Variants in DCPS observed in about 807,000 individuals in gnomAD.
DCPS encodes the protein m7GpppX diphosphatase.
In DCPS, 27 loss-of-function variants were observed where a neutral mutation model predicts 34.7. The ratio of observed to expected loss-of-function variants is 0.78; its 90% confidence interval spans 0.57 to 1.07. DCPS has a LOEUF of 1.07. Ranked by LOEUF, DCPS falls within the 50% of genes least tolerant of loss-of-function variation. The pLI is 0.00. For synonymous variants in DCPS, 185 were observed against 185.7 expected (o/e 1.00, Z 0.03); for missense variants, 464 against 436.9 (o/e 1.06, Z -0.55).
chr11:126,327,856 C>G lies in DCPS; in HGVS notation c.377-3549C>G, dbSNP rs984078518. Among the ~76,000 whole-genome samples the G allele has an allele frequency of 6.6e-6, 1 of 152,174 alleles. No homozygotes were observed. Among genetic ancestry groups the G allele is most frequent in the African/African-American group, 2.4e-5 (1 of 41,442 alleles). On this transcript the variant is annotated intron_variant, in intron 2 of 5. Coordinates refer to ENST00000263579, the MANE Select transcript of DCPS (RefSeq NM_014026.6). The surrounding 1 kb of genome is among the most constrained non-coding windows in gnomAD (Gnocchi z 4.1). ...GTGCTGGGGACAAATTGTTTTCTTC[C>G]GGAAGCTGCATAGTAGTTGGGGAGT...
intron 2 of DCPS, among the ~76,000 whole-genome samples, chr11:126,310,973 G>A (rs538507677): frequency 5.3e-5 from 8 of 152,206 alleles, no homozygotes; most frequent in African/African-American, 1.7e-4. Flanking sequence ...GAAATCATGG[G>A]CTCAGCTGAT....
chr11:126,341,285 T>G (rs941286849), intron 4 of DCPS: 2 of 152,266 alleles, frequency 1.3e-5, no homozygotes, highest in African/African-American at 2.4e-5. Context: ...AGACTGACGA[T>G]GTCTATCTGT....
rs1212797234 is a variant in DCPS, at chr11:126,348,376, C to G, written c.*2763C>G. ...AAGGGGGCCCCTCTCCAGGCCTCAC[C>G]ACTTAACTTTTCTTGTACATGGAAA... On this transcript the variant is annotated 3_prime_UTR_variant, in exon 6 of 6. Transcript: ENST00000263579. This position sits in a 1 kb window ranked among gnomAD's most constrained non-coding sequence, Gnocchi z 5.3. 6.6e-6 allele frequency among the ~76,000 whole-genome samples: 1 copy of G among 152,200 alleles called. No homozygotes were observed. The highest frequency in any genetic ancestry group is 1.9e-4 in the East Asian group (1 of 5,182).
chr11:126,306,491 C>G (rs369181848), intron 1 of DCPS, 79 bp from the exon 2 acceptor site: 1 of 1,410,712 alleles, frequency 7.1e-7, no homozygotes. Flanking sequence ...ATTCAAAGGC[C>G]CTGGGAGCTT....
In DCPS at chr11:126,347,073, C is replaced by A. The variant is rs1951938366; in HGVS notation, c.*1460C>A. Among the ~76,000 whole-genome samples, 1 of 150,056 alleles carries A rather than the reference C, an allele frequency of 6.7e-6. No homozygotes were observed. The highest frequency in any genetic ancestry group is 1.5e-5 in the Non-Finnish European group (1 of 67,576). ...TGGCCTGGGTGACAGAGCAAGACTC[C>A]CTCTCAGAAAAAAAAATTAAAAAAA... On this transcript the variant is annotated 3_prime_UTR_variant, in exon 6 of 6. Transcript: ENST00000263579. This position sits in a 1 kb window ranked among gnomAD's most constrained non-coding sequence, Gnocchi z 4.2.
Position 126,338,113 on chromosome 11 carries a change from G to C in DCPS, c.523-173G>C. On this transcript the variant is annotated intron_variant, in intron 3 of 5. Coordinates refer to ENST00000263579, the MANE Select transcript of DCPS (RefSeq NM_014026.6). The surrounding 1 kb of genome is among the most constrained non-coding windows in gnomAD (Gnocchi z 5.4). ...GGGGAAGTCCCTTCTGGACCCCTAAGAACAGATGCTTGGGGACAGGGCAGC... is the reference window on the plus strand; with the variant it reads ...GGGGAAGTCCCTTCTGGACCCCTAACAACAGATGCTTGGGGACAGGGCAGC... The C allele has an allele frequency of 1.6e-6, 1 of 628,410 alleles. No homozygotes were observed. The allele number at this position is 628,410 out of a possible 1,614,324, so 38.9% of individuals were successfully genotyped here. A position where few individuals can be genotyped will look rare whatever the true frequency, so the allele number is the denominator to read the frequency against.
chr11:126,345,338 T>A lies in DCPS; in HGVS notation c.748-9T>A. 1.2e-6 allele frequency: 2 copies of A among 1,613,460 alleles called. No individual in the cohort carries two copies. The highest frequency in any genetic ancestry group is 1.7e-6 in the Non-Finnish European group (2 of 1,179,890). On this transcript the variant is annotated splice_polypyrimidine_tract_variant and intron_variant, in intron 5 of 5. Coordinates refer to ENST00000263579, the MANE Select transcript of DCPS (RefSeq NM_014026.6). The surrounding 1 kb of genome is among the most constrained non-coding windows in gnomAD (Gnocchi z 7.4). ...GTGACTCCTGACCTGCCTGCCCCTG[T>A]CTCATCAGGAGGCCATCCTGCAGCG...
chr11:126,313,133 A>G lies in DCPS; in HGVS notation c.376+6389A>G, dbSNP rs151256940. 8.9e-3 allele frequency among the ~76,000 whole-genome samples: 1,274 copies of G among 143,240 alleles called. 11 individuals are homozygous for G. Among genetic ancestry groups the G allele is most frequent in the Middle Eastern group, 0.014 (4 of 282 alleles). 94.0% of individuals were successfully genotyped at this position (143,240 alleles called of 152,430 possible). ...ATCCAGGCTGCCTCTTCAAAGGCCA[A>G]TTGTTTCCCCGTGTAAACCAGGAGG... On this transcript the variant is annotated intron_variant, in intron 2 of 5. Coordinates refer to ENST00000263579, the MANE Select transcript of DCPS (RefSeq NM_014026.6). This position sits in a 1 kb window ranked among gnomAD's most constrained non-coding sequence, Gnocchi z 4.9.
At chr11:126,311,282 C>T (rs150730382) in intron 2 of DCPS, among the ~76,000 whole-genome samples, 63 of 152,376 alleles carry the variant, frequency 4.1e-4, no homozygotes, top group African/African-American at 1.4e-3. Context: ...AGCCTCACGT[C>T]AGGCAGACCT....
At chr11:126,326,845 C>T (rs1314852213) in intron 2 of DCPS, among the ~76,000 whole-genome samples, 2 of 152,082 alleles carry the variant, frequency 1.3e-5, no homozygotes, top group African/African-American at 4.8e-5. Flanking sequence ...ATGGCGTGAG[C>T]CCGGGAGGCG....
chr11:126,343,295 C>T lies in DCPS; in HGVS notation c.637-12C>T. On this transcript the variant is annotated splice_polypyrimidine_tract_variant and intron_variant, in intron 4 of 5. Transcript: ENST00000263579. The stretch of plus-strand genomic sequence containing the variant: ...CCCTGCTGAGCCTGGTCTCCCCTTG[C>T]TCTCTACGCAGCTCGATGACTTGTA... 1.9e-6 allele frequency: 3 copies of T among 1,609,430 alleles called. No homozygotes were observed. Among genetic ancestry groups the T allele is most frequent in the Non-Finnish European group, 2.5e-6 (3 of 1,177,510 alleles).
chr11:126,306,863 T>G, intron 2 of DCPS, 119 bp downstream of exon 2: 1 of 1,191,852 alleles, frequency 8.4e-7, no homozygotes, highest in Non-Finnish European at 1.1e-6. Context: ...ATAGGGAGAT[T>G]ACTTCCCTAG....
intron 2 of DCPS, among the ~76,000 whole-genome samples, chr11:126,310,224 C>T (rs1459086238): frequency 6.6e-6 from 1 of 152,168 alleles, no homozygotes; most frequent in African/African-American, 2.4e-5. Flanking sequence ...ATGCCGGCGA[C>T]GCCCACCTTT....
chr11:126,349,721 C>G lies in DCPS; in HGVS notation c.*4108C>G, dbSNP rs1951974138. ...GCCAACTCTTCCTTCTCAGGAAGGA[C>G]TGTTTTTATTCCAAACATGTATATA... On this transcript the variant is annotated 3_prime_UTR_variant, in exon 6 of 6. Coordinates refer to ENST00000263579, the MANE Select transcript of DCPS (RefSeq NM_014026.6). The surrounding 1 kb of genome is among the most constrained non-coding windows in gnomAD (Gnocchi z 5.4). Among the ~76,000 whole-genome samples the G allele has an allele frequency of 1.3e-5, 2 of 152,184 alleles. No individual in the cohort carries two copies. The highest frequency in any genetic ancestry group is 4.8e-5 in the African/African-American group (2 of 41,442).
Position 126,331,383 on chromosome 11 carries a change from G to A in DCPS, c.377-22G>A, listed in dbSNP as rs1292613302. 3.7e-6 allele frequency: 6 copies of A among 1,613,094 alleles called. No individual in the cohort carries two copies. Among genetic ancestry groups the A allele is most frequent in the Admixed American group, 3.3e-5 (2 of 59,942 alleles). On this transcript the variant is annotated intron_variant, in intron 2 of 5. Transcript: ENST00000263579. This position sits in a 1 kb window ranked among gnomAD's most constrained non-coding sequence, Gnocchi z 7.2. Reference sequence around the variant, plus strand: ...AGAGTGGGCATTGCTTCCCTGTCACGGGCTGTGCTGTATCATTGCAGATGT... The same window carrying A: ...AGAGTGGGCATTGCTTCCCTGTCACAGGCTGTGCTGTATCATTGCAGATGT...
rs1476377594 is a variant in DCPS, at chr11:126,332,987, G to C, written c.522+1437G>C. Among the ~76,000 whole-genome samples, 2 of 152,136 alleles carry C rather than the reference G, an allele frequency of 1.3e-5. No homozygotes were observed. Among genetic ancestry groups the C allele is most frequent in the African/African-American group, 4.8e-5 (2 of 41,422 alleles). On this transcript the variant is annotated intron_variant, in intron 3 of 5. Coordinates refer to ENST00000263579, the MANE Select transcript of DCPS (RefSeq NM_014026.6). This position sits in a 1 kb window ranked among gnomAD's most constrained non-coding sequence, Gnocchi z 5.4. ...GGTGTGAGTAGCTGGGATTACAGGT[G>C]CTTGCCACCATGCCTGGCTACTTTT...
In DCPS at chr11:126,320,667, G is replaced by T. The variant is rs1367067031; in HGVS notation, c.377-10738G>T. Among the ~76,000 whole-genome samples, 2 of 152,148 alleles carry T rather than the reference G, an allele frequency of 1.3e-5. No individual in the cohort carries two copies. Among genetic ancestry groups the T allele is most frequent in the Non-Finnish European group, 1.5e-5 (1 of 68,022 alleles). On this transcript the variant is annotated intron_variant, in intron 2 of 5. Transcript: ENST00000263579. The surrounding 1 kb of genome is among the most constrained non-coding windows in gnomAD (Gnocchi z 4.7). Reference sequence around the variant, plus strand: ...AAAATACAAAAATTAGCCAGGTGTAGTGGTGTGTGCCTATAGTTCCAGCTA... The same window carrying T: ...AAAATACAAAAATTAGCCAGGTGTATTGGTGTGTGCCTATAGTTCCAGCTA...
In DCPS at chr11:126,344,889, T is replaced by C. The variant is rs1951905260; in HGVS notation, c.748-458T>C. The stretch of plus-strand genomic sequence containing the variant: ...AGCATAGCCCCATCCCCAACTTCAT[T>C]GTTTCCAAGCTCCACCCTGTGCTAT... On this transcript the variant is annotated intron_variant, in intron 5 of 5. Coordinates refer to ENST00000263579, the MANE Select transcript of DCPS (RefSeq NM_014026.6). The surrounding 1 kb of genome is among the most constrained non-coding windows in gnomAD (Gnocchi z 8.1). Among the ~76,000 whole-genome samples, 1 of 151,908 alleles carries C rather than the reference T, an allele frequency of 6.6e-6. No individual in the cohort carries two copies. The highest frequency in any genetic ancestry group is 1.5e-5 in the Non-Finnish European group (1 of 67,978).
Position 126,345,935 on chromosome 11 carries a change from G to A in DCPS, c.*322G>A, listed in dbSNP as rs967584441. On this transcript the variant is annotated 3_prime_UTR_variant, in exon 6 of 6. Coordinates refer to ENST00000263579, the MANE Select transcript of DCPS (RefSeq NM_014026.6). The surrounding 1 kb of genome is among the most constrained non-coding windows in gnomAD (Gnocchi z 7.4). Reference sequence around the variant, plus strand: ...GCCCCAGGGCTCACCGTCCGTGGTGGCTTCCTTCTCCCCACTCTGTGCCTC... The same window carrying A: ...GCCCCAGGGCTCACCGTCCGTGGTGACTTCCTTCTCCCCACTCTGTGCCTC... Among the ~76,000 whole-genome samples, 1 of 152,070 alleles carries A rather than the reference G, an allele frequency of 6.6e-6. No homozygotes were observed. The highest frequency in any genetic ancestry group is 1.5e-5 in the Non-Finnish European group (1 of 67,992).
Sources: gnomAD v4.1 joint callset for allele counts (sites outside exome capture counted in the v4.1 genomes callset) on GRCh38, gnomAD v4.1.1 for gene constraint, Gnocchi (gnomAD v3.1) non-coding constraint, MANE v1.5 for transcripts, NCBI Gene and HGNC (gene_info 2026-07-23, HGNC 2026-07-21) for gene names.